ROBO1: variants seen among roughly 807,000 people sequenced by gnomAD.
ROBO1 encodes roundabout guidance receptor 1.
In ROBO1, 149 loss-of-function variants were observed where a neutral mutation model predicts 195.9. The observed-to-expected ratio is 0.76, with a 90% CI of 0.67 to 0.87. ROBO1 has a LOEUF of 0.87. Among genes scored for constraint, ROBO1 ranks in the 40% least tolerant of loss-of-function variants. The pLI is 0.00. For missense variants in ROBO1, 1,933 were observed against 2,068.3 expected, an observed-to-expected ratio of 0.93 and a Z score of 1.27; for synonymous variants, 816 against 733.2, an observed-to-expected ratio of 1.11 and a Z score of -1.82.
intron 2 of ROBO1, among the ~76,000 whole-genome samples, chr3:79,530,822 C>A (rs1307659809): frequency 2.7e-5 from 3 of 112,012 alleles, no homozygotes; most frequent in African/African-American, 6.7e-5. Flanking sequence ...CCTGGATTCC[C>A]AGTGTTCTTA....
At chr3:78,659,187 T>C (rs938011321) in intron 17 of ROBO1, among the ~76,000 whole-genome samples, 4 of 152,210 alleles carry the variant, frequency 2.6e-5, no homozygotes, top group African/African-American at 7.2e-5. Context: ...TACCTTTTAA[T>C]GCCTCAATTA....
chr3:79,300,312 A>G (rs1010020708), intron 2 of ROBO1, among the ~76,000 whole-genome samples: 1 of 152,124 alleles, frequency 6.6e-6, no homozygotes, highest in Non-Finnish European at 1.5e-5. Flanking sequence ...CTGCACTTGG[A>G]GCAGCCCGCC....
chr3:78,779,910 G>A (rs2083622041), intron 4 of ROBO1, among the ~76,000 whole-genome samples: 2 of 152,110 alleles, frequency 1.3e-5, no homozygotes, highest in Non-Finnish European at 1.5e-5. Flanking sequence ...ATACACCATG[G>A]AATACTATGC....
At chr3:79,239,088 A>G (rs2082465577) in intron 2 of ROBO1, among the ~76,000 whole-genome samples, 1 of 152,168 alleles carries the variant, frequency 6.6e-6, no homozygotes, top group African/African-American at 2.4e-5. Flanking sequence ...CTCTCTCCTT[A>G]GTACTATACA....
intron 8 of ROBO1, among the ~76,000 whole-genome samples, chr3:78,699,652 C>A (rs1240644413): frequency 2.0e-5 from 3 of 151,358 alleles, no homozygotes; most frequent in Non-Finnish European, 4.4e-5. Context: ...TGCTTAAAAT[C>A]CTTCAACATG....
At chr3:79,716,519 C>T (rs532600304) in intron 1 of ROBO1, among the ~76,000 whole-genome samples, 10 of 151,540 alleles carry the variant, frequency 6.6e-5, no homozygotes, top group South Asian at 4.2e-4. Flanking sequence ...ATTTATTTAA[C>T]GAAACAATAC....
chr3:79,412,874 ATTTTT>A (rs1167482550), intron 2 of ROBO1, among the ~76,000 whole-genome samples: 28 of 38,328 alleles, frequency 7.3e-4, no homozygotes, highest in South Asian at 4.6e-3. Flanking sequence ...TCATGAGCTG[ATTTTT>A]TTTTTTTTTT....
At chr3:79,337,120 G>A (rs746071721) in intron 2 of ROBO1, among the ~76,000 whole-genome samples, 1 of 152,136 alleles carries the variant, frequency 6.6e-6, no homozygotes, top group African/African-American at 2.4e-5. Context: ...GCTCATAAGT[G>A]GAAGGGACTT....
chr3:79,625,439 A>AAAAAAAAAAAAAAAAAAAAAC, intron 1 of ROBO1, among the ~76,000 whole-genome samples: 1 of 145,198 alleles, frequency 6.9e-6, no homozygotes, highest in Non-Finnish European at 1.5e-5. Flanking sequence ...AAAAAAAAAA[A>AAAAAAAAAAAAAAAAAAAAAC]AAAAAGCAAA....
At chr3:78,697,076 C>A (rs1034116336) in intron 8 of ROBO1, among the ~76,000 whole-genome samples, 2 of 145,650 alleles carry the variant, frequency 1.4e-5, no homozygotes, top group Non-Finnish European at 3.0e-5. Flanking sequence ...ACACACACAG[C>A]CACTACCATT....
At chr3:79,305,873 T>A (rs1022433617) in intron 2 of ROBO1, among the ~76,000 whole-genome samples, 1 of 152,146 alleles carries the variant, frequency 6.6e-6, no homozygotes, top group Non-Finnish European at 1.5e-5. Flanking sequence ...ATTTCCTTTA[T>A]CTAATAGATA....
At chr3:79,382,181 C>G (rs1199999965) in intron 2 of ROBO1, among the ~76,000 whole-genome samples, 1 of 152,118 alleles carries the variant, frequency 6.6e-6, no homozygotes, top group African/African-American at 2.4e-5. Context: ...ACTCCATTCT[C>G]TTTTCCTGAA....
At chr3:79,457,210 C>T (rs1445346977) in intron 2 of ROBO1, among the ~76,000 whole-genome samples, 2 of 152,040 alleles carry the variant, frequency 1.3e-5, no homozygotes, top group African/African-American at 2.4e-5. Flanking sequence ...TACAAACAAA[C>T]AAAATAATCA....
At chr3:79,244,224 AC>A (rs2082578237) in intron 2 of ROBO1, among the ~76,000 whole-genome samples, 1 of 151,958 alleles carries the variant, frequency 6.6e-6, no homozygotes, top group African/African-American at 2.4e-5. Context: ...CATAACAAGA[AC>A]TCATTAAGGT....
At chr3:79,446,291 T>G (rs1425360447) in intron 2 of ROBO1, among the ~76,000 whole-genome samples, 1 of 152,214 alleles carries the variant, frequency 6.6e-6, no homozygotes, top group East Asian at 1.9e-4. Context: ...GCAGATCCTC[T>G]AAAATTGTAT....
intron 2 of ROBO1, among the ~76,000 whole-genome samples, chr3:79,493,262 A>T (rs1277519757): frequency 2.6e-5 from 4 of 152,040 alleles, no homozygotes; most frequent in Non-Finnish European, 5.9e-5. Flanking sequence ...CCTTGCTACA[A>T]AAACATAATT....
intron 2 of ROBO1, among the ~76,000 whole-genome samples, chr3:79,562,565 G>A (rs928824684): frequency 1.3e-5 from 2 of 151,974 alleles, no homozygotes; most frequent in African/African-American, 4.8e-5. Context: ...ATGTGCCCAA[G>A]AGAATGAATT....
intron 1 of ROBO1, among the ~76,000 whole-genome samples, chr3:79,636,638 C>A (rs534340685): frequency 6.6e-6 from 1 of 152,146 alleles, no homozygotes; most frequent in Non-Finnish European, 1.5e-5. Context: ...GCTCCCCTCA[C>A]GTGCACTTTT....
chr3:78,608,905 G>A (rs181687306), intron 28 of ROBO1, among the ~76,000 whole-genome samples: 127 of 152,238 alleles, frequency 8.3e-4, no homozygotes, highest in Non-Finnish European at 1.5e-3. Context: ...GAGAGTTTGT[G>A]AAGGAAGACT....
Sources: gnomAD v4.1 joint callset for allele counts (sites outside exome capture counted in the v4.1 genomes callset) on GRCh38, gnomAD v4.1.1 for gene constraint, MANE v1.5 for transcripts, NCBI Gene and HGNC (gene_info 2026-07-23, HGNC 2026-07-21) for gene names.